The following PLB1 variants were observed in gnomAD, a reference collection of about 807,000 sequenced individuals.
PLB1 encodes the protein phospholipase B1, also known as phospholipase B1, membrane-associated.
Under a neutral mutation model 227.4 loss-of-function variants are expected in PLB1, and 242 were observed. The ratio of observed to expected loss-of-function variants is 1.06; its 90% CI spans 0.96 to 1.18. The LOEUF (loss-of-function observed/expected upper bound fraction) is 1.18, where lower values mean the gene tolerates loss of function less well. PLB1 is among the 50% of genes most tolerant of loss of function. PLB1 has a pLI of 0.00. For missense variants in PLB1, 1,858 were observed against 1,816.3 expected (o/e 1.02, Z -0.42); for synonymous variants, 757 against 682.2 (o/e 1.11, Z -1.71).
intron 20 of PLB1, among the ~76,000 whole-genome samples, chr2:28,567,518 C>T (rs1677205250): frequency 7.2e-6 from 1 of 137,936 alleles, no homozygotes; most frequent in Non-Finnish European, 1.5e-5. Context: ...TGTTGCCAGG[C>T]TGGAGTGCAG....
chr2:28,516,616 G>T (rs1335618207), intron 1 of PLB1, among the ~76,000 whole-genome samples, 192 bp from the exon 2 acceptor site: 1 of 152,190 alleles, frequency 6.6e-6, no homozygotes, highest in African/African-American at 2.4e-5. Flanking sequence ...CTAATGGGTT[G>T]TGTTAATGGA....
chr2:28,602,892 C>T lies in PLB1; in HGVS notation c.2745C>T (p.Asn915=). The change falls in exon 39 of 58, where the codon AAC becomes AAT. Residue 915 remains asparagine (N), a synonymous_variant. Coordinates refer to ENST00000327757, the MANE Select transcript of PLB1 (RefSeq NM_153021.5). The part of the protein sequence containing the change: ...PTIMRQVFLG[N]PDKCPVQQAS... ...TCATGCGGCAGGTGTTCCTGGGAAACCCAGACAAGTGCCCAGTGCAGCAGG... is the reference window on the plus strand; with the variant it reads ...TCATGCGGCAGGTGTTCCTGGGAAATCCAGACAAGTGCCCAGTGCAGCAGG... 6.2e-7 allele frequency: 1 copy of T among 1,614,146 alleles called. No individual in the cohort carries two copies. Among genetic ancestry groups the T allele is most frequent in the Non-Finnish European group, 8.5e-7 (1 of 1,180,000 alleles).
chr2:28,610,326 T>TTA (rs1202083829), intron 43 of PLB1, among the ~76,000 whole-genome samples: 1 of 150,560 alleles, frequency 6.6e-6, no homozygotes, highest in African/African-American at 2.5e-5. Context: ...TTTTTTTTTT[T>TTA]AATTAATAGT....
chr2:28,582,533 A>G (rs1418931176), intron 25 of PLB1, 28 bp downstream of exon 25: 1 of 1,518,200 alleles, frequency 6.6e-7, no homozygotes, highest in Admixed American at 1.8e-5. Flanking sequence ...CCCCGATTCT[A>G]CTAAGAATCC....
chr2:28,550,620 A>G (rs1572915276), intron 16 of PLB1, among the ~76,000 whole-genome samples: 1 of 139,224 alleles, frequency 7.2e-6, no homozygotes, highest in South Asian at 2.3e-4. Flanking sequence ...AGCTCACTGT[A>G]ACCTTAGCCT....
chr2:28,536,713 T>A (rs1671731274), intron 9 of PLB1, among the ~76,000 whole-genome samples: 1 of 152,214 alleles, frequency 6.6e-6, no homozygotes, highest in East Asian at 1.9e-4. Context: ...AATCAGCTTT[T>A]TCCTGACTTT....
chr2:28,597,300 A>G (rs1007201787), intron 33 of PLB1, among the ~76,000 whole-genome samples: 1 of 151,964 alleles, frequency 6.6e-6, no homozygotes, highest in African/African-American at 2.4e-5. Flanking sequence ...GACCTGGAAT[A>G]TAACATGCTG....
intron 21 of PLB1, 60 bp downstream of exon 21, chr2:28,573,365 T>G: frequency 7.4e-7 from 1 of 1,357,016 alleles, no homozygotes; most frequent in Admixed American, 1.7e-5. Flanking sequence ...AGGGGTGGGC[T>G]TGGCCTAAAC....
chr2:28,589,001 TA>T (rs1681391404), intron 26 of PLB1, among the ~76,000 whole-genome samples: 1 of 151,832 alleles, frequency 6.6e-6, no homozygotes, highest in Non-Finnish European at 1.5e-5. Flanking sequence ...CCGTCTCTGC[TA>T]AAAATACAAA....
chr2:28,626,662 C>A, intron 51 of PLB1, 154 bp downstream of exon 51: 1 of 687,786 alleles, frequency 1.5e-6, no homozygotes, highest in Non-Finnish European at 2.5e-6. Context: ...TTACACATGC[C>A]AGGCAAGGCC....
At chr2:28,585,734 A>C (rs1252867676) in intron 25 of PLB1, 27 bp from the exon 26 acceptor site, 4 of 1,534,608 alleles carry the variant, frequency 2.6e-6, no homozygotes, top group Middle Eastern at 1.7e-4. Context: ...TGGTGGGATG[A>C]GGGTTTCTCT....
At chr2:28,504,453 A>G (rs1197955742) in intron 1 of PLB1, among the ~76,000 whole-genome samples, 1 of 152,166 alleles carries the variant, frequency 6.6e-6, no homozygotes. Context: ...AAACATAGTC[A>G]TTGTAAGGGC....
At chr2:28,630,732 T>G in intron 54 of PLB1, 68 bp downstream of exon 54, 6 of 1,338,112 alleles carry the variant, frequency 4.5e-6, no homozygotes, top group Non-Finnish European at 6.2e-6. Context: ...GACTGGGAAA[T>G]CGAATGCCCA....
intron 33 of PLB1, 177 bp downstream of exon 33, chr2:28,593,931 T>C: frequency 1.3e-6 from 1 of 750,012 alleles, no homozygotes. Flanking sequence ...GGAGAGGATA[T>C]TTTACTGTTG....
At chr2:28,523,303 A>G (rs1353959196) in intron 4 of PLB1, among the ~76,000 whole-genome samples, 1 of 150,598 alleles carries the variant, frequency 6.6e-6, no homozygotes, top group Non-Finnish European at 1.5e-5. Context: ...TAAAACCTAA[A>G]TAGGGTCATA....
intron 14 of PLB1, among the ~76,000 whole-genome samples, chr2:28,547,448 C>T (rs1338193666): frequency 2.0e-5 from 3 of 152,232 alleles, no homozygotes. Flanking sequence ...GCTAATTATA[C>T]CTCCTTATCT....
In PLB1 at chr2:28,627,729, C is replaced by T. The variant is rs564061389; in HGVS notation, c.3661-834C>T. Among the ~76,000 whole-genome samples the T allele has an allele frequency of 2.8e-3, 430 of 152,290 alleles. 1 individual carries two copies. The highest frequency in any genetic ancestry group is 4.6e-3 in the Non-Finnish European group (310 of 68,024). On this transcript the variant is annotated intron_variant, in intron 51 of 57. Coordinates refer to ENST00000327757, the MANE Select transcript of PLB1 (RefSeq NM_153021.5). ...ATTGAGTGCACGGTATCTCACCTGG[C>T]CTCAGCTCTTCGTCTCCAGAAAAAA...
At chr2:28,548,355 A>C in intron 14 of PLB1, 2 of 304,836 alleles carry the variant, frequency 6.6e-6, no homozygotes, top group South Asian at 5.6e-5. Flanking sequence ...TGTCTAAGGG[A>C]ACTTGAATCA....
chr2:28,574,111 C>T (rs1678480065), intron 21 of PLB1, among the ~76,000 whole-genome samples: 1 of 152,164 alleles, frequency 6.6e-6, no homozygotes, highest in Non-Finnish European at 1.5e-5. Flanking sequence ...GCTGCCTGGG[C>T]AGAGAGCAAG....
Sources: gnomAD v4.1 joint callset for allele counts (sites outside exome capture counted in the v4.1 genomes callset) on GRCh38, gnomAD v4.1.1 for gene constraint, MANE v1.5 for transcripts, NCBI Gene and HGNC (gene_info 2026-07-23, HGNC 2026-07-21) for gene names.